Variants in PDE11A observed in about 807,000 individuals in gnomAD.
PDE11A encodes phosphodiesterase 11A.
PDE11A carries 100 observed loss-of-function variants against 100.5 expected under a neutral mutation model. The observed-to-expected ratio is 1.00, with a 90% confidence interval of 0.85 to 1.18. The LOEUF (loss-of-function observed/expected upper bound fraction) is 1.18, where lower values mean the gene tolerates loss of function less well. Among genes scored for constraint, PDE11A ranks in the 50% most tolerant of loss-of-function variants. PDE11A has a pLI of 0.00. For synonymous variants in PDE11A, 381 were observed against 420.8 expected, an observed-to-expected ratio of 0.91 and a Z score of 1.16; for missense variants, 1,141 against 1,152.6, an observed-to-expected ratio of 0.99 and a Z score of 0.15.
intron 2 of PDE11A, among the ~76,000 whole-genome samples, chr2:177,926,384 C>T (rs2085124517): frequency 6.6e-6 from 1 of 152,128 alleles, no homozygotes; most frequent in Non-Finnish European, 1.5e-5. Flanking sequence ...TCTGTATACT[C>T]TTACTGTCTC....
In PDE11A at chr2:177,745,454, G is replaced by A. The variant is rs75804574; in HGVS notation, c.1789-17282C>T. On this transcript the variant is annotated intron_variant, in intron 10 of 19. Coordinates refer to ENST00000286063, the MANE Select transcript of PDE11A (RefSeq NM_016953.4). ...ATCAACTCAGATTTCCAGGCCCCAC[G>A]TTGAGAGTCTGATTCAGTAAGTCTA... 2.5e-3 allele frequency among the ~76,000 whole-genome samples: 380 copies of A among 152,324 alleles called. 8 individuals carry two copies. The East Asian group carries it at 0.065, about 26-fold the overall frequency.
chr2:177,654,284 C>T (rs538612346), intron 19 of PDE11A, among the ~76,000 whole-genome samples: 1 of 152,262 alleles, frequency 6.6e-6, no homozygotes, highest in African/African-American at 2.4e-5. Flanking sequence ...CTTTGGGAGG[C>T]CAAGGTGGGC....
intron 12 of PDE11A, among the ~76,000 whole-genome samples, chr2:177,718,022 G>A (rs1335945409): frequency 6.6e-6 from 1 of 152,180 alleles, no homozygotes; most frequent in Non-Finnish European, 1.5e-5. Context: ...ACTAGATGGT[G>A]CTATAGACAA....
chr2:177,939,446 A>G, intron 2 of PDE11A, among the ~76,000 whole-genome samples: 1 of 130,592 alleles, frequency 7.7e-6, no homozygotes, highest in Non-Finnish European at 1.7e-5. Context: ...AGGGAGGAAG[A>G]AAGGAAGGAG....
chr2:177,907,163 T>C (rs925055573), intron 2 of PDE11A, among the ~76,000 whole-genome samples: 2 of 151,942 alleles, frequency 1.3e-5, no homozygotes, highest in Admixed American at 1.3e-4. Flanking sequence ...AGAATCTGAA[T>C]TTTAAATCAA....
intron 12 of PDE11A, among the ~76,000 whole-genome samples, chr2:177,714,918 C>T (rs916581196): frequency 2.0e-5 from 3 of 152,222 alleles, no homozygotes; most frequent in Non-Finnish European, 2.9e-5. Context: ...TCTGGATTCT[C>T]TCCTCTGCTG....
intron 1 of PDE11A, among the ~76,000 whole-genome samples, chr2:178,039,647 A>C (rs938200913): frequency 6.6e-6 from 1 of 152,000 alleles, no homozygotes; most frequent in Admixed American, 6.6e-5. Flanking sequence ...CATTACTGAT[A>C]AAAGCAAAAA....
intron 2 of PDE11A, among the ~76,000 whole-genome samples, chr2:177,916,861 C>T (rs902116769): frequency 8.6e-5 from 13 of 151,494 alleles, no homozygotes; most frequent in African/African-American, 2.4e-4. Flanking sequence ...CCGGGTCCAC[C>T]GCCATTCTCC....
At chr2:177,632,042 G>T (rs1464496935) in intron 19 of PDE11A, among the ~76,000 whole-genome samples, 1 of 152,096 alleles carries the variant, frequency 6.6e-6, no homozygotes, top group Non-Finnish European at 1.5e-5. Context: ...CTTTCCATTT[G>T]TTTTGGAAGC....
At chr2:177,848,380 A>G (rs2083638802) in intron 5 of PDE11A, among the ~76,000 whole-genome samples, 1 of 152,208 alleles carries the variant, frequency 6.6e-6, no homozygotes, top group Non-Finnish European at 1.5e-5. Context: ...TTAACCACTT[A>G]ATAGCTTATT....
At chr2:177,870,225 C>G (rs1260809917) in intron 5 of PDE11A, among the ~76,000 whole-genome samples, 1 of 152,162 alleles carries the variant, frequency 6.6e-6, no homozygotes, top group Admixed American at 6.6e-5. Context: ...AGAAATGGGA[C>G]CAGTTTTCCA....
At chr2:177,783,898 T>C (rs1558936375) in intron 9 of PDE11A, among the ~76,000 whole-genome samples, 6 of 152,124 alleles carry the variant, frequency 3.9e-5, no homozygotes, top group Admixed American at 3.3e-4. Flanking sequence ...GGTATTCAGA[T>C]GGGTAAAGTT....
At chr2:177,893,809 G>A (rs1401813909) in intron 4 of PDE11A, among the ~76,000 whole-genome samples, 1 of 152,052 alleles carries the variant, frequency 6.6e-6, no homozygotes, top group African/African-American at 2.4e-5. Context: ...TAAGTAATAT[G>A]GAAAAGGTAT....
intron 2 of PDE11A, among the ~76,000 whole-genome samples, chr2:178,083,037 T>C (rs1273730394): frequency 6.6e-6 from 1 of 152,150 alleles, no homozygotes; most frequent in East Asian, 1.9e-4. Flanking sequence ...TCACATACTT[T>C]CTGCTAGTTA....
chr2:177,695,097 A>G (rs914961899), intron 15 of PDE11A, among the ~76,000 whole-genome samples: 2 of 151,448 alleles, frequency 1.3e-5, no homozygotes, highest in African/African-American at 2.4e-5. Flanking sequence ...AAGGTATTAA[A>G]AAGCTAAATG....
At position 178,014,306 on chromosome 2, in the gene PDE11A, T is replaced by TC; in HGVS notation, c.1066dup (p.Glu356GlyfsTer17). ...ACAAAAGGCATGAAATCTTACTTTT[T>TC]CATCATCTTCAGTAAATGGAGCTCC... On this transcript the variant is annotated frameshift_variant, in exon 2 of 20. Coordinates refer to ENST00000286063, the MANE Select transcript of PDE11A (RefSeq NM_016953.4). LOFTEE classifies it high-confidence loss of function. 1 of 1,611,768 alleles carries TC rather than the reference T, an allele frequency of 6.2e-7. No homozygotes were observed. Among genetic ancestry groups the TC allele is most frequent in the Non-Finnish European group, 8.5e-7 (1 of 1,177,928 alleles).
chr2:178,106,237 C>G (rs1424104156), intron 1 of PDE11A, among the ~76,000 whole-genome samples: 1 of 152,194 alleles, frequency 6.6e-6, no homozygotes, highest in Non-Finnish European at 1.5e-5. Context: ...ACACAACAAC[C>G]TGCAAAACCA....
intron 19 of PDE11A, among the ~76,000 whole-genome samples, chr2:177,638,798 T>G (rs915116158): frequency 2.0e-5 from 3 of 152,250 alleles, no homozygotes; most frequent in African/African-American, 7.2e-5. Flanking sequence ...GCCTCATGTA[T>G]TTCAAGGCTT....
At chr2:177,833,713 T>A (rs1455146079) in intron 6 of PDE11A, among the ~76,000 whole-genome samples, 1 of 152,240 alleles carries the variant, frequency 6.6e-6, no homozygotes, top group Non-Finnish European at 1.5e-5. Flanking sequence ...CAGTTTCTGA[T>A]GAATTGGGGT....
Sources: allele counts gnomAD v4.1 joint callset (sites outside exome capture counted in the v4.1 genomes callset), GRCh38; gene constraint gnomAD v4.1.1; transcripts MANE v1.5; gene names NCBI Gene and HGNC (gene_info 2026-07-23, HGNC 2026-07-21).